Variants in UHRF1 observed in about 807,000 individuals in gnomAD.
UHRF1 encodes the protein E3 ubiquitin-protein ligase UHRF1.
A neutral mutation model predicts 96.5 loss-of-function variants in UHRF1; 9 were observed. That is an observed-to-expected ratio of 0.09 (90% CI 0.06 to 0.16). UHRF1 has a LOEUF of 0.16. Ranked by LOEUF, UHRF1 falls within the 10% of genes least tolerant of loss-of-function variation. The pLI is 1.00. For synonymous variants in UHRF1, 455 were observed against 469.9 expected (o/e 0.97, Z 0.41); for missense variants, 626 against 1,131.1 (o/e 0.55, Z 6.40).
chr19:4,910,115 C>T (rs2032197384), intron 1 of UHRF1: 1 of 152,010 alleles, frequency 6.6e-6, no homozygotes, highest in South Asian at 2.1e-4. Flanking sequence ...GCGGGGGCCC[C>T]CTCTGTAGTC....
At chr19:4,913,550 C>T (rs2032368702) in intron 2 of UHRF1, among the ~76,000 whole-genome samples, 1 of 152,022 alleles carries the variant, frequency 6.6e-6, no homozygotes, top group South Asian at 2.1e-4. Context: ...CCACTGCACC[C>T]AGCCACGTAC....
chr19:4,941,943 C>T lies in UHRF1; in HGVS notation c.1073+12C>T, dbSNP rs577543014. 2 of 1,486,548 alleles carry T rather than the reference C, an allele frequency of 1.3e-6. No individual in the cohort carries two copies. The highest frequency in any genetic ancestry group is 2.8e-5 in the South Asian group (2 of 71,502). 92.1% of individuals were successfully genotyped at this position (1,486,548 alleles called of 1,614,324 possible). A position where few individuals can be genotyped will look rare whatever the true frequency, so the allele number is the denominator to read the frequency against. On this transcript the variant is annotated intron_variant, in intron 7 of 16. Coordinates refer to ENST00000650932, the MANE Select transcript of UHRF1 (RefSeq NM_001048201.3). ...AGCGAGGACGAGTGGTGAGTGCGGC[C>T]CTGCCCGCCGCGGGGAGACCAGAGC...
chr19:4,916,974 T>C (rs57387301), intron 2 of UHRF1, among the ~76,000 whole-genome samples: 2,797 of 149,140 alleles, frequency 0.019, 107 homozygotes, highest in African/African-American at 0.066. Context: ...CCAAACCCGG[T>C]GGCATTATCT....
intron 10 of UHRF1, among the ~76,000 whole-genome samples, chr19:4,946,539 T>C (rs2033570694): frequency 6.6e-6 from 1 of 151,968 alleles, no homozygotes. Flanking sequence ...TATCCAGAAG[T>C]GGAATTCAAG....
intron 1 of UHRF1, chr19:4,910,001 T>A: frequency 1.2e-5 from 2 of 173,904 alleles, no homozygotes; most frequent in Non-Finnish European, 2.4e-5. Context: ...CGCCCTGAGT[T>A]CCCCGGGAGC....
At chr19:4,956,077 G>A (rs558993436) in intron 15 of UHRF1, among the ~76,000 whole-genome samples, 1 of 152,030 alleles carries the variant, frequency 6.6e-6, no homozygotes, top group African/African-American at 2.4e-5. Flanking sequence ...TGGGATTACA[G>A]GCACCCACCA....
intron 5 of UHRF1, among the ~76,000 whole-genome samples, chr19:4,935,647 A>G (rs1177555199): frequency 1.3e-5 from 2 of 151,792 alleles, no homozygotes; most frequent in African/African-American, 4.8e-5. Context: ...TACTGATGTC[A>G]AGCTAGCAAG....
chr19:4,946,138 C>T (rs2033557809), intron 10 of UHRF1, among the ~76,000 whole-genome samples, 173 bp downstream of exon 10: 1 of 152,148 alleles, frequency 6.6e-6, no homozygotes, highest in African/African-American at 2.4e-5. Context: ...CCAGAACTTT[C>T]TCATCTTCCC....
intron 5 of UHRF1, among the ~76,000 whole-genome samples, chr19:4,939,979 G>C (rs563591478): frequency 6.7e-6 from 1 of 149,692 alleles, no homozygotes. Flanking sequence ...AGCCGAGATC[G>C]TGCCACTGCA....
At chr19:4,940,300 T>C (rs1420849299) in intron 5 of UHRF1, among the ~76,000 whole-genome samples, 1 of 151,606 alleles carries the variant, frequency 6.6e-6, no homozygotes, top group Non-Finnish European at 1.5e-5. Context: ...GGGATCAGTT[T>C]CACTCACAGG....
chr19:4,909,181 C>A, upstream of UHRF1: 1 of 393,916 alleles, frequency 2.5e-6, no homozygotes, highest in East Asian at 4.7e-5. Context: ...TGGGGGGCTG[C>A]GAACGGACTT....
chr19:4,944,478 G>A, intron 9 of UHRF1, 28 bp downstream of exon 9: 1 of 1,611,260 alleles, frequency 6.2e-7, no homozygotes, highest in South Asian at 1.1e-5. Context: ...GGGCTCCAGG[G>A]GCCACGCGGG....
intron 13 of UHRF1, 83 bp downstream of exon 13, chr19:4,951,079 A>G: frequency 1.4e-6 from 2 of 1,440,880 alleles, no homozygotes; most frequent in Non-Finnish European, 1.8e-6. Flanking sequence ...CAGCCTGGCC[A>G]ACATGGTGAA....
At chr19:4,953,907 G>T (rs2033784026) in intron 13 of UHRF1, among the ~76,000 whole-genome samples, 1 of 152,050 alleles carries the variant, frequency 6.6e-6, no homozygotes, top group African/African-American at 2.4e-5. Context: ...TTAGCTGGGT[G>T]TGGTGGCGGG....
chr19:4,955,720 G>A (rs1015551322), intron 15 of UHRF1, among the ~76,000 whole-genome samples: 1 of 152,006 alleles, frequency 6.6e-6, no homozygotes, highest in South Asian at 2.1e-4. Flanking sequence ...CCAAGCAGGA[G>A]GAGGTGTCTT....
Position 4,932,722 on chromosome 19 carries a change from G to T in UHRF1, c.570-19G>T. ...GCTTGGTCTTAGCACGGGGTCTAAG[G>T]CCCGGGCTTTCCTCCCAGCTACCCG... is the stretch of plus-strand genomic sequence containing the variant. On this transcript the variant is annotated intron_variant, in intron 4 of 16. Coordinates refer to ENST00000650932, the MANE Select transcript of UHRF1 (RefSeq NM_001048201.3). 6.2e-7 allele frequency: 1 copy of T among 1,612,644 alleles called. No homozygotes were observed. Among genetic ancestry groups the T allele is most frequent in the Non-Finnish European group, 8.5e-7 (1 of 1,179,094 alleles).
intron 11 of UHRF1, among the ~76,000 whole-genome samples, chr19:4,948,850 G>A (rs7249758): frequency 0.19 from 29,098 of 151,058 alleles, 2,901 homozygotes; most frequent in African/African-American, 0.21. Context: ...GAGGCCAGGC[G>A]TGGTGGCTCA....
At chr19:4,957,297 GTTTTTTTTTTTTT>G (rs59654364) in intron 16 of UHRF1, among the ~76,000 whole-genome samples, 1 of 51,034 alleles carries the variant, frequency 2.0e-5, no homozygotes, top group Non-Finnish European at 3.6e-5. Flanking sequence ...CCAGCTGATG[GTTTTTTTTTTTTT>G]TTTTTTTTTT....
chr19:4,944,949 C>G (rs1179220675), intron 9 of UHRF1, among the ~76,000 whole-genome samples: 1 of 152,204 alleles, frequency 6.6e-6, no homozygotes, highest in Non-Finnish European at 1.5e-5. Flanking sequence ...CACTCCATGT[C>G]CTCCCAAGTC....
Sources: allele counts gnomAD v4.1 joint callset (sites outside exome capture counted in the v4.1 genomes callset), GRCh38; gene constraint gnomAD v4.1.1; transcripts MANE v1.5; gene names NCBI Gene and HGNC (gene_info 2026-07-23, HGNC 2026-07-21).